PLPPR1: variants seen among roughly 807,000 people sequenced by gnomAD.
PLPPR1 encodes phospholipid phosphatase related 1.
PLPPR1 carries 10 observed loss-of-function variants against 33.1 expected under a neutral mutation model. The ratio of observed to expected loss-of-function variants is 0.30; its 90% CI spans 0.19 to 0.51. The LOEUF is 0.51. PLPPR1 is among the 20% of genes least tolerant of loss of function. PLPPR1 has a pLI of 0.97. For synonymous variants in PLPPR1, 151 were observed against 151.0 expected, an observed-to-expected ratio of 1.00 and a Z score of 0.00; for missense variants, 304 against 408.1, an observed-to-expected ratio of 0.74 and a Z score of 2.20.
chr9:101,295,422 G>T (rs1438059439), intron 4 of PLPPR1, among the ~76,000 whole-genome samples: 2 of 151,988 alleles, frequency 1.3e-5, no homozygotes, highest in African/African-American at 4.8e-5. Flanking sequence ...AGCTACCAAT[G>T]ACTTTCTTCA....
At chr9:101,241,984 T>C (rs77242936) in intron 2 of PLPPR1, among the ~76,000 whole-genome samples, 1 of 152,232 alleles carries the variant, frequency 6.6e-6, no homozygotes, top group African/African-American at 2.4e-5. Flanking sequence ...AGAAAGAATC[T>C]GGCTGATTGG....
intron 1 of PLPPR1, among the ~76,000 whole-genome samples, chr9:101,099,265 A>G (rs1564144251): frequency 6.6e-6 from 1 of 152,092 alleles, no homozygotes; most frequent in Non-Finnish European, 1.5e-5. Context: ...AATTGTTTCT[A>G]ATGTCCCTCC....
At chr9:101,272,782 T>C (rs1173912967) in intron 3 of PLPPR1, among the ~76,000 whole-genome samples, 1 of 152,210 alleles carries the variant, frequency 6.6e-6, no homozygotes, top group African/African-American at 2.4e-5. Flanking sequence ...AAGAACTTAG[T>C]CTATGTTTAC....
At chr9:101,107,811 C>T (rs1390696032) in intron 1 of PLPPR1, among the ~76,000 whole-genome samples, 4 of 147,848 alleles carry the variant, frequency 2.7e-5, no homozygotes, top group African/African-American at 1.0e-4. Flanking sequence ...ATTCCGTGGG[C>T]GTAGGACCCT....
At chr9:101,300,470 G>C (rs1828732600) in intron 4 of PLPPR1, among the ~76,000 whole-genome samples, 1 of 152,142 alleles carries the variant, frequency 6.6e-6, no homozygotes, top group South Asian at 2.1e-4. Context: ...AACTATTTAA[G>C]TTATTACATT....
At chr9:101,300,533 A>G (rs1828733554) in intron 4 of PLPPR1, among the ~76,000 whole-genome samples, 1 of 152,202 alleles carries the variant, frequency 6.6e-6, no homozygotes, top group Admixed American at 6.5e-5. Context: ...CAACAGTGCC[A>G]GATCTCAGTA....
intron 1 of PLPPR1, among the ~76,000 whole-genome samples, chr9:101,083,789 G>T (rs1019586431): frequency 3.9e-5 from 6 of 152,128 alleles, no homozygotes; most frequent in African/African-American, 1.4e-4. Context: ...TAAATGCTCA[G>T]ATTCTTTATT....
chr9:101,201,231 C>T (rs1826486667), intron 2 of PLPPR1, among the ~76,000 whole-genome samples: 2 of 152,168 alleles, frequency 1.3e-5, no homozygotes, highest in South Asian at 4.1e-4. Context: ...GTCTAATCAC[C>T]TTTTAAAGAT....
intron 1 of PLPPR1, among the ~76,000 whole-genome samples, chr9:101,035,628 A>G (rs908162325): frequency 6.6e-6 from 1 of 151,876 alleles, no homozygotes; most frequent in East Asian, 1.9e-4. Flanking sequence ...GTAGTCCCCA[A>G]CTCTGTATTT....
chr9:101,189,018 A>G (rs1826251348), intron 2 of PLPPR1, among the ~76,000 whole-genome samples: 1 of 152,038 alleles, frequency 6.6e-6, no homozygotes, highest in South Asian at 2.1e-4. Flanking sequence ...GCAAGAGTCT[A>G]GTACTGTTGA....
intron 2 of PLPPR1, among the ~76,000 whole-genome samples, chr9:101,265,438 A>T (rs1271807985): frequency 6.6e-6 from 1 of 152,114 alleles, no homozygotes. Flanking sequence ...TGCTCATGTG[A>T]CACCAACATT....
chr9:101,082,223 G>A lies in PLPPR1; in HGVS notation c.-46+53121G>A, dbSNP rs566373682. On this transcript the variant is annotated intron_variant, in intron 1 of 7. Transcript: ENST00000374874. The stretch of plus-strand genomic sequence containing the variant: ...CTTCCAATTTCTTGTTGAAAAAGTG[G>A]TGTCTGATTACCCTGTTACTATTAC... Among the ~76,000 whole-genome samples, 6 of 152,252 alleles carry A rather than the reference G, an allele frequency of 3.9e-5. 1 individual carries two copies. In the South Asian group the frequency reaches 1.0e-3, roughly 26 times the overall value.
At chr9:101,044,522 G>C (rs1289019663) in intron 1 of PLPPR1, among the ~76,000 whole-genome samples, 3 of 152,144 alleles carry the variant, frequency 2.0e-5, no homozygotes, top group Non-Finnish European at 4.4e-5. Context: ...ATGAAGACAA[G>C]GGTAACTCAA....
intron 1 of PLPPR1, among the ~76,000 whole-genome samples, chr9:101,176,728 C>T (rs1564166488): frequency 6.6e-6 from 1 of 152,244 alleles, no homozygotes; most frequent in East Asian, 1.9e-4. Flanking sequence ...CCGCCTCTAC[C>T]CACTTGAGCA....
At chr9:101,043,047 C>T (rs1830095414) in intron 1 of PLPPR1, among the ~76,000 whole-genome samples, 1 of 152,074 alleles carries the variant, frequency 6.6e-6, no homozygotes, top group East Asian at 1.9e-4. Context: ...AACCTTTTAT[C>T]TCTCACCCCC....
intron 1 of PLPPR1, among the ~76,000 whole-genome samples, chr9:101,169,954 T>C (rs1825916767): frequency 6.6e-6 from 1 of 151,826 alleles, no homozygotes; most frequent in South Asian, 2.1e-4. Flanking sequence ...TAAGACTATA[T>C]TGTTGAGTTC....
chr9:101,102,235 G>A (rs1192348683), intron 1 of PLPPR1, among the ~76,000 whole-genome samples: 3 of 121,398 alleles, frequency 2.5e-5, no homozygotes, highest in Admixed American at 8.2e-5. Context: ...ATGCTGGTGC[G>A]CTGCACCCAC....
chr9:101,298,497 G>A (rs1362486756), intron 4 of PLPPR1, among the ~76,000 whole-genome samples: 2 of 152,186 alleles, frequency 1.3e-5, no homozygotes, highest in Non-Finnish European at 2.9e-5. Context: ...CGAGCTTAAT[G>A]TCAGCCTTTT....
At chr9:101,165,630 G>C (rs1681881570) in intron 1 of PLPPR1, among the ~76,000 whole-genome samples, 1 of 152,178 alleles carries the variant, frequency 6.6e-6, no homozygotes, top group Non-Finnish European at 1.5e-5. Context: ...TTCTGGGCCA[G>C]ATGAAGGTTG....
Sources: gnomAD v4.1 joint callset for allele counts (sites outside exome capture counted in the v4.1 genomes callset) on GRCh38, gnomAD v4.1.1 for gene constraint, MANE v1.5 for transcripts, NCBI Gene and HGNC (gene_info 2026-07-23, HGNC 2026-07-21) for gene names.